UST: variants seen among roughly 807,000 people sequenced by gnomAD.
UST encodes uronyl 2-sulfotransferase, also known as chondroitin sulfate 2-O-sulfotransferase.
In UST, 21 loss-of-function variants were observed where a neutral mutation model predicts 45.6. That is an observed-to-expected ratio of 0.46 (90% CI 0.33 to 0.66). UST has a LOEUF of 0.66. UST is among the 30% of genes least tolerant of loss of function. The probability of loss-of-function intolerance (pLI) is 0.02; values close to 1 mark genes in which losing one functional copy is unlikely to be tolerated. For synonymous variants in UST, 215 were observed against 200.6 expected (o/e 1.07, Z -0.61); for missense variants, 463 against 512.4 (o/e 0.90, Z 0.93).
At position 148,748,443 on chromosome 6, in the gene UST, GT is replaced by G. The variant is rs1364873384; in HGVS notation, c.247+767del. On this transcript the variant is annotated intron_variant, in intron 1 of 7. Transcript: ENST00000367463. The surrounding 1 kb of genome is among the most constrained non-coding windows in gnomAD (Gnocchi z 5.3). ...TGTGTGTGTGTGTGTGTGTGTGTGTGTGTGTGTGTGGTTTATTAGGAGAGAG... is the reference window on the plus strand; with the variant it reads ...TGTGTGTGTGTGTGTGTGTGTGTGTGGTGTGTGTGGTTTATTAGGAGAGAG... Among the ~76,000 whole-genome samples, 35 of 142,088 alleles carry G rather than the reference GT, an allele frequency of 2.5e-4. No individual in the cohort carries two copies. Among genetic ancestry groups the G allele is most frequent in the Non-Finnish European group, 3.8e-4 (24 of 63,242 alleles). 93.2% of individuals were successfully genotyped at this position (142,088 alleles called of 152,430 possible). A position where few individuals can be genotyped will look rare whatever the true frequency, so the allele number is the denominator to read the frequency against.
At chr6:148,908,008 A>T (rs1307472452) in intron 2 of UST, among the ~76,000 whole-genome samples, 2 of 145,382 alleles carry the variant, frequency 1.4e-5, no homozygotes, top group African/African-American at 5.1e-5. Context: ...TCGCAGGTTC[A>T]AGCAATTCTC....
intron 1 of UST, among the ~76,000 whole-genome samples, chr6:148,871,147 C>CTCTCTCTCTCTCTCTCT (rs1582866624): frequency 2.5e-4 from 5 of 20,234 alleles, no homozygotes; most frequent in African/African-American, 7.0e-4. Context: ...TCTCTCTCTC[C>CTCTCTCTCTCTCTCTCT]CTCTCTCCCT....
At chr6:148,956,433 T>C (rs1780506247) in intron 4 of UST, among the ~76,000 whole-genome samples, 1 of 152,192 alleles carries the variant, frequency 6.6e-6, no homozygotes, top group Non-Finnish European at 1.5e-5. Context: ...CATCATATCT[T>C]GTGAGACTTA....
chr6:148,794,418 T>C (rs1562260107), intron 1 of UST, among the ~76,000 whole-genome samples: 1 of 152,236 alleles, frequency 6.6e-6, no homozygotes, highest in Non-Finnish European at 1.5e-5. Flanking sequence ...GAGAAATTTA[T>C]TTTTAATGAA....
At chr6:148,828,656 A>G (rs1429978050) in intron 1 of UST, among the ~76,000 whole-genome samples, 1 of 152,212 alleles carries the variant, frequency 6.6e-6, no homozygotes, top group Non-Finnish European at 1.5e-5. Context: ...GACTAAATGA[A>G]TTTATGCACA....
At chr6:148,872,868 A>G (rs1271200808) in intron 1 of UST, among the ~76,000 whole-genome samples, 1 of 152,120 alleles carries the variant, frequency 6.6e-6, no homozygotes, top group Non-Finnish European at 1.5e-5. Flanking sequence ...TGACAAGGAC[A>G]CTGTGATTAC....
chr6:148,975,124 C>T (rs1780991363), intron 5 of UST, among the ~76,000 whole-genome samples: 1 of 152,200 alleles, frequency 6.6e-6, no homozygotes, highest in Admixed American at 6.5e-5. Flanking sequence ...AGACAAGGGT[C>T]CTAAACCAAG....
At chr6:148,870,104 T>TCACACACACACACACACACACACACACA (rs60229120) in intron 1 of UST, among the ~76,000 whole-genome samples, 90 of 141,548 alleles carry the variant, frequency 6.4e-4, no homozygotes, top group South Asian at 9.5e-4. Flanking sequence ...TGGTAATGTT[T>TCACACACACACACACACACACACACACA]CACACACACA....
chr6:148,812,419 A>G (rs1272755298), intron 1 of UST, among the ~76,000 whole-genome samples: 2 of 152,254 alleles, frequency 1.3e-5, no homozygotes, highest in Admixed American at 1.3e-4. Flanking sequence ...AATTATCCCA[A>G]AACATAACAT....
intron 1 of UST, among the ~76,000 whole-genome samples, chr6:148,783,837 C>T (rs1002454486): frequency 2.0e-5 from 3 of 152,264 alleles, no homozygotes; most frequent in Admixed American, 6.5e-5. Context: ...AATTTTCTGT[C>T]CCCAGGGGGT....
At chr6:148,773,270 G>A (rs9498152) in intron 1 of UST, among the ~76,000 whole-genome samples, 4,540 of 152,240 alleles carry the variant, frequency 0.03, 95 homozygotes, top group Non-Finnish European at 0.041. Context: ...AGACCAGCCT[G>A]GCCAACATGG....
At chr6:148,992,047 C>T (rs1378569096) in intron 5 of UST, among the ~76,000 whole-genome samples, 1 of 152,132 alleles carries the variant, frequency 6.6e-6, no homozygotes, top group African/African-American at 2.4e-5. Flanking sequence ...AATACCATGA[C>T]CTGTGGAACA....
intron 5 of UST, among the ~76,000 whole-genome samples, chr6:148,998,834 A>G (rs576946924): frequency 9.4e-4 from 143 of 152,370 alleles, no homozygotes; most frequent in South Asian, 1.9e-3. Flanking sequence ...GCTGGTCTGA[A>G]TGCAGCAAGC....
chr6:149,044,319 CA>C (rs535097550), intron 7 of UST, among the ~76,000 whole-genome samples: 113 of 151,064 alleles, frequency 7.5e-4, no homozygotes, highest in Non-Finnish European at 1.3e-3. Context: ...TTTTTCATTT[CA>C]AAAAAAAACT....
chr6:149,023,627 C>T (rs1350553499), intron 7 of UST, among the ~76,000 whole-genome samples: 2 of 152,194 alleles, frequency 1.3e-5, no homozygotes, highest in Admixed American at 6.5e-5. Flanking sequence ...TGAGAGTCCT[C>T]TTCCAGTTAC....
chr6:148,918,845 A>G lies in UST; in HGVS notation c.292-22434A>G, dbSNP rs144324216. On this transcript the variant is annotated intron_variant, in intron 2 of 7. Transcript: ENST00000367463. ...TAAACTTTTTTTAGTTCTATTTTTA[A>G]TTTGTGCATTTTTGTTATTTGGAAG... Among the ~76,000 whole-genome samples the G allele has an allele frequency of 4.5e-3, 678 of 151,942 alleles. 5 individuals are homozygous for G. Among genetic ancestry groups the G allele is most frequent in the African/African-American group, 0.015 (631 of 41,390 alleles).
In UST at chr6:148,859,104, C is replaced by G. The variant is rs1024359925; in HGVS notation, c.248-27882C>G. Among the ~76,000 whole-genome samples the G allele has an allele frequency of 2.0e-5, 3 of 150,800 alleles. No individual in the cohort carries two copies. In the Admixed American group the frequency reaches 2.0e-4, roughly 10 times the overall value. On this transcript the variant is annotated intron_variant, in intron 1 of 7. Coordinates refer to ENST00000367463, the MANE Select transcript of UST (RefSeq NM_005715.3). ...CTTCCACAATGGTTGAACTAGTTTA[C>G]AGTCCTACCAACAGTGTAAAAGTGT...
At chr6:148,922,332 A>C (rs770363384) in intron 2 of UST, among the ~76,000 whole-genome samples, 1 of 148,096 alleles carries the variant, frequency 6.8e-6, no homozygotes, top group Admixed American at 6.8e-5. Context: ...TGAGCATTTC[A>C]TATAAGTGGA....
chr6:148,767,985 A>G (rs1271681820), intron 1 of UST, among the ~76,000 whole-genome samples: 1 of 152,118 alleles, frequency 6.6e-6, no homozygotes, highest in African/African-American at 2.4e-5. Context: ...AACATTATTA[A>G]ATTGTTGCAG....
Sources: allele counts gnomAD v4.1 joint callset (sites outside exome capture counted in the v4.1 genomes callset), GRCh38; gene constraint gnomAD v4.1.1; non-coding constraint Gnocchi (gnomAD v3.1); transcripts MANE v1.5; gene names NCBI Gene and HGNC (gene_info 2026-07-23, HGNC 2026-07-21).